Variants in SPAG1 observed in about 807,000 individuals in gnomAD.
SPAG1 encodes the protein sperm associated antigen 1, also known as sperm-associated antigen 1.
A neutral mutation model predicts 100.5 loss-of-function variants in SPAG1; 69 were observed. The observed-to-expected ratio is 0.69, with a 90% CI of 0.57 to 0.84. The LOEUF (loss-of-function observed/expected upper bound fraction) is 0.84, where lower values mean the gene tolerates loss of function less well. Among genes scored for constraint, SPAG1 ranks in the 40% least tolerant of loss-of-function variants. SPAG1 has a pLI of 0.00. For synonymous variants in SPAG1, 336 were observed against 411.6 expected (o/e 0.82, Z 2.22); for missense variants, 955 against 1,133.1 (o/e 0.84, Z 2.26).
At chr8:100,217,012 T>C (rs1818026704) in intron 12 of SPAG1, among the ~76,000 whole-genome samples, 1 of 148,294 alleles carries the variant, frequency 6.7e-6, no homozygotes, top group African/African-American at 2.5e-5. Context: ...TCTCAGCTCA[T>C]TGCAACCTCT....
Position 100,168,994 on chromosome 8 carries a change from AT to A in SPAG1, c.300+3030del, listed in dbSNP as rs201275520. Among the ~76,000 whole-genome samples, 727 of 149,578 alleles carry A rather than the reference AT, an allele frequency of 4.9e-3. 10 individuals carry two copies. Among genetic ancestry groups the A allele is most frequent in the African/African-American group, 0.017 (709 of 40,754 alleles). On this transcript the variant is annotated intron_variant, in intron 3 of 18. Transcript: ENST00000388798. ...GAGCCACCACGCCCGGCCTCTTTTC[AT>A]TTTTTTTTAACAGTATCTTTGGAAG...
chr8:100,208,688 A>G (rs1024170352), intron 10 of SPAG1, among the ~76,000 whole-genome samples: 1 of 152,138 alleles, frequency 6.6e-6, no homozygotes, highest in South Asian at 2.1e-4. Context: ...TCTTCATTTT[A>G]TTTCCTTTTT....
In SPAG1 at chr8:100,202,002, G is replaced by A. The variant is rs1165128360; in HGVS notation, c.1096+7734G>A. Among the ~76,000 whole-genome samples the A allele has an allele frequency of 2.0e-5, 3 of 152,210 alleles. No homozygotes were observed. The East Asian group carries it at 5.8e-4, about 29-fold the overall frequency. On this transcript the variant is annotated intron_variant, in intron 10 of 18. Transcript: ENST00000388798. ...CTAACTTGAAACCTGTTGGTGAGAA[G>A]TTCTGGAGGCCCAGACTTGTAACTG...
chr8:100,207,390 T>G (rs1396021959), intron 10 of SPAG1, among the ~76,000 whole-genome samples: 3 of 152,132 alleles, frequency 2.0e-5, no homozygotes, highest in African/African-American at 7.2e-5. Context: ...CTGTGATCAG[T>G]TGACAGACTA....
At chr8:100,169,012 C>T (rs931518465) in intron 3 of SPAG1, among the ~76,000 whole-genome samples, 2 of 151,832 alleles carry the variant, frequency 1.3e-5, no homozygotes, top group South Asian at 2.1e-4. Context: ...TTAACAGTAT[C>T]TTTGGAAGAG....
intron 1 of SPAG1, among the ~76,000 whole-genome samples, chr8:100,159,757 G>A (rs1815224213): frequency 6.6e-6 from 1 of 152,168 alleles, no homozygotes; most frequent in Admixed American, 6.5e-5. Context: ...ATAAAACAAT[G>A]TTAATTGCAA....
In SPAG1 at chr8:100,199,967, C is replaced by T. The variant is rs377355966; in HGVS notation, c.1096+5699C>T. Among the ~76,000 whole-genome samples the T allele has an allele frequency of 1.6e-4, 23 of 145,396 alleles. No individual in the cohort carries two copies. The East Asian group carries it at 4.1e-3, about 26-fold the overall frequency. On this transcript the variant is annotated intron_variant, in intron 10 of 18. Transcript: ENST00000388798. The stretch of plus-strand genomic sequence containing the variant: ...CATTTTGACTTTTTTTTTTATTATA[C>T]TTTAAGTTCTAGGGTATATGTGCAC...
chr8:100,190,009 G>T (rs540116507), intron 8 of SPAG1, among the ~76,000 whole-genome samples: 1 of 152,084 alleles, frequency 6.6e-6, no homozygotes, highest in African/African-American at 2.4e-5. Flanking sequence ...AAATATGTCA[G>T]ATAAAATTTC....
Position 100,193,709 on chromosome 8 carries a change from C to A in SPAG1, c.940-403C>A, listed in dbSNP as rs2453663. Among the ~76,000 whole-genome samples the A allele has an allele frequency of 4.9e-4, 75 of 152,058 alleles. No homozygotes were observed. The Middle Eastern group carries it at 0.014, about 28-fold the overall frequency. On this transcript the variant is annotated intron_variant, in intron 9 of 18. Coordinates refer to ENST00000388798, the MANE Select transcript of SPAG1 (RefSeq NM_003114.5). ...AGGTGAGAGGATTGCTTGATCCCAC[C>A]GTTTGAGACTAGACTGGGCAACATA...
chr8:100,208,484 GA>G (rs912021029), intron 10 of SPAG1, among the ~76,000 whole-genome samples: 85 of 152,038 alleles, frequency 5.6e-4, no homozygotes, highest in African/African-American at 2.0e-3. Flanking sequence ...ACTCCATCAG[GA>G]AAAAAAACCA....
At chr8:100,206,126 G>A (rs2439455) in intron 10 of SPAG1, among the ~76,000 whole-genome samples, 58,971 of 149,576 alleles carry the variant, frequency 0.39, 11,781 homozygotes, top group East Asian at 0.62. Context: ...GCAGAAGACC[G>A]ATGGATCTTG....
In SPAG1 at chr8:100,239,735, C is replaced by G. The variant is rs376762457; in HGVS notation, c.2280+331C>G. Among the ~76,000 whole-genome samples, 2 of 152,176 alleles carry G rather than the reference C, an allele frequency of 1.3e-5. No individual in the cohort carries two copies. The highest frequency in any genetic ancestry group is 2.9e-5 in the Non-Finnish European group (2 of 68,034). ...CCAGGGTAGACCTGGAGAATCCTGACGGGACTGATTTTGTTACAGGGGCCC... is the reference window on the plus strand; with the variant it reads ...CCAGGGTAGACCTGGAGAATCCTGAGGGGACTGATTTTGTTACAGGGGCCC... On this transcript the variant is annotated intron_variant, in intron 17 of 18. Transcript: ENST00000388798. This position sits in a 1 kb window ranked among gnomAD's most constrained non-coding sequence, Gnocchi z 5.0.
chr8:100,221,597 A>G (rs937276153), intron 13 of SPAG1, among the ~76,000 whole-genome samples: 1 of 152,158 alleles, frequency 6.6e-6, no homozygotes, highest in African/African-American at 2.4e-5. Flanking sequence ...AAAAAAGGGG[A>G]AAAAATGACA....
intron 1 of SPAG1, among the ~76,000 whole-genome samples, chr8:100,160,688 A>C (rs1334378800): frequency 6.6e-6 from 1 of 151,676 alleles, no homozygotes; most frequent in Non-Finnish European, 1.5e-5. Context: ...TTCATTGTGT[A>C]GTAGGGAGAA....
At chr8:100,222,133 C>G (rs542183891) in intron 13 of SPAG1, among the ~76,000 whole-genome samples, 2 of 152,314 alleles carry the variant, frequency 1.3e-5, no homozygotes, top group South Asian at 4.1e-4. Context: ...CCTGCAGGCC[C>G]TTTCTCCTTT....
At chr8:100,207,213 C>T (rs1817548613) in intron 10 of SPAG1, among the ~76,000 whole-genome samples, 2 of 152,322 alleles carry the variant, frequency 1.3e-5, no homozygotes, top group African/African-American at 2.4e-5. Flanking sequence ...TTGTGCACAG[C>T]AGCCTTCCAT....
At chr8:100,240,276 T>C (rs1819198347) in intron 17 of SPAG1, 127 bp from the exon 18 acceptor site, 1 of 806,324 alleles carries the variant, frequency 1.2e-6, no homozygotes, top group East Asian at 2.7e-5. Context: ...TTACAAAGTT[T>C]TCACTTGGAA....
At chr8:100,219,739 G>T (rs1818174351) in intron 12 of SPAG1, among the ~76,000 whole-genome samples, 1 of 152,186 alleles carries the variant, frequency 6.6e-6, no homozygotes, top group South Asian at 2.1e-4. Flanking sequence ...AAACGTGCAA[G>T]ATGAAAATTC....
intron 4 of SPAG1, among the ~76,000 whole-genome samples, chr8:100,179,358 G>A (rs535099874): frequency 1.3e-5 from 2 of 152,232 alleles, no homozygotes; most frequent in East Asian, 3.9e-4. Context: ...ACTCCAGCCT[G>A]GGGGAAAGAG....
Sources: gnomAD v4.1 joint callset for allele counts (sites outside exome capture counted in the v4.1 genomes callset) on GRCh38, gnomAD v4.1.1 for gene constraint, Gnocchi (gnomAD v3.1) non-coding constraint, MANE v1.5 for transcripts, NCBI Gene and HGNC (gene_info 2026-07-23, HGNC 2026-07-21) for gene names.